ASB7: variants seen among roughly 807,000 people sequenced by gnomAD.
The protein encoded by ASB7 is ankyrin repeat and SOCS box protein 7.
In ASB7, 4 loss-of-function variants were observed where a neutral mutation model predicts 32.5. The observed-to-expected ratio is 0.12, with a 90% confidence interval of 0.06 to 0.28. The LOEUF is 0.28. ASB7 is among the 10% of genes least tolerant of loss of function. The pLI is 1.00. For synonymous variants in ASB7, 172 were observed against 155.6 expected (o/e 1.11, Z -0.78); for missense variants, 181 against 407.1 (o/e 0.44, Z 4.78).
At chr15:100,608,940 CTCACCCACCG>C (rs2141386706) in intron 2 of ASB7, among the ~76,000 whole-genome samples, 1 of 152,236 alleles carries the variant, frequency 6.6e-6, no homozygotes, top group East Asian at 1.9e-4. Flanking sequence ...TTAAGTGATG[CTCACCCACCG>C]TCAGGGGATG....
Position 100,629,966 on chromosome 15 carries a change from A to G in ASB7, c.741A>G (p.Gly247=). 1 of 1,614,184 alleles carries G rather than the reference A, an allele frequency of 6.2e-7. No homozygotes were observed. The change falls in exon 5 of 6, where the codon GGA becomes GGG. Residue 247 remains glycine, a synonymous_variant. Coordinates refer to ENST00000332783, the MANE Select transcript of ASB7 (RefSeq NM_198243.3). This position sits in a 1 kb window ranked among gnomAD's most constrained non-coding sequence, Gnocchi z 6.8. ...GADTNTRNYE[G]QTPLAVSISI... ...ACACGAACACACGGAACTATGAAGG[A>G]CAGACCCCATTGGCTGTTTCAATAA...
At chr15:100,609,345 T>TA (rs139093840) in intron 2 of ASB7, among the ~76,000 whole-genome samples, 199 of 152,322 alleles carry the variant, frequency 1.3e-3, no homozygotes, top group African/African-American at 4.7e-3. Context: ...GCAGGTGACT[T>TA]ATGGTGTCGG....
At chr15:100,623,839 A>G (rs1207776313) in intron 4 of ASB7, among the ~76,000 whole-genome samples, 1 of 152,254 alleles carries the variant, frequency 6.6e-6, no homozygotes. Context: ...CAGTCCCACT[A>G]CTGAGTATCC....
rs79228935 is a variant in ASB7 at position 100,642,015 on chromosome 15, A to G, written c.818-6308A>G. Among the ~76,000 whole-genome samples, 64 of 152,354 alleles carry G rather than the reference A, an allele frequency of 4.2e-4. 2 individuals carry two copies. In the East Asian group the frequency reaches 6.7e-3, roughly 16 times the overall value. On this transcript the variant is annotated intron_variant, in intron 5 of 5. Transcript: ENST00000332783. ...AGTTGATGCTTTTAACCACTGTGATATGCCTCCATCATTAAAGGAAATTCT... is the reference window on the plus strand; with the variant it reads ...AGTTGATGCTTTTAACCACTGTGATGTGCCTCCATCATTAAAGGAAATTCT...
intron 4 of ASB7, among the ~76,000 whole-genome samples, chr15:100,619,016 C>G (rs952863374): frequency 1.3e-5 from 2 of 152,252 alleles, no homozygotes; most frequent in Admixed American, 6.5e-5. Flanking sequence ...CGTTTCTTAC[C>G]TGTAATTCTG....
At chr15:100,627,645 C>T (rs981307220) in intron 4 of ASB7, among the ~76,000 whole-genome samples, 6 of 152,132 alleles carry the variant, frequency 3.9e-5, no homozygotes, top group African/African-American at 1.4e-4. Context: ...GATGCAAGTG[C>T]AGTGTTTTGT....
intron 5 of ASB7, among the ~76,000 whole-genome samples, chr15:100,636,229 G>T (rs2039922443): frequency 1.3e-5 from 2 of 152,128 alleles, no homozygotes; most frequent in South Asian, 4.1e-4. Context: ...GTGGAGGTTT[G>T]CCCCACATCT....
Position 100,629,088 on chromosome 15 carries a change from A to G in ASB7, c.212-349A>G, listed in dbSNP as rs978101651. Among the ~76,000 whole-genome samples, 1 of 152,218 alleles carries G rather than the reference A, an allele frequency of 6.6e-6. No homozygotes were observed. The highest frequency in any genetic ancestry group is 1.5e-5 in the Non-Finnish European group (1 of 68,034). ...TAAAACAAAAAGTTCAAAACAGAAGAGAAACATGAAACAGTGCAGAGATGA... is the reference window on the plus strand; with the variant it reads ...TAAAACAAAAAGTTCAAAACAGAAGGGAAACATGAAACAGTGCAGAGATGA... On this transcript the variant is annotated intron_variant, in intron 4 of 5. Transcript: ENST00000332783. This position sits in a 1 kb window ranked among gnomAD's most constrained non-coding sequence, Gnocchi z 6.8.
chr15:100,604,040 G>A (rs2047091), intron 2 of ASB7, among the ~76,000 whole-genome samples: 149,044 of 152,348 alleles, frequency 0.98, 72,985 homozygotes, highest in East Asian at 1. Context: ...GATTTTCTAG[G>A]AGAACTTTTA....
chr15:100,615,129 G>A (rs991283605), intron 4 of ASB7, among the ~76,000 whole-genome samples: 1 of 152,236 alleles, frequency 6.6e-6, no homozygotes, highest in African/African-American at 2.4e-5. Flanking sequence ...TGGGTGTGTA[G>A]TACGCTGTGC....
chr15:100,632,733 C>T (rs1041779776), intron 5 of ASB7, among the ~76,000 whole-genome samples: 8 of 152,066 alleles, frequency 5.3e-5, no homozygotes, highest in African/African-American at 1.9e-4. Context: ...CTCTTCATCA[C>T]ACTGTTTTGC....
chr15:100,617,883 A>T (rs996876693), intron 4 of ASB7, among the ~76,000 whole-genome samples: 1 of 152,204 alleles, frequency 6.6e-6, no homozygotes, highest in African/African-American at 2.4e-5. Flanking sequence ...AGACAAGACC[A>T]ATCTTTTCTT....
At chr15:100,638,311 G>A (rs879251065) in intron 5 of ASB7, 14 of 152,232 alleles carry the variant, frequency 9.2e-5, no homozygotes, top group African/African-American at 2.2e-4. Context: ...TATTTACTAC[G>A]TAGGCTCTGC....
At chr15:100,638,409 T>C (rs1465203540) in intron 5 of ASB7, 4 of 152,210 alleles carry the variant, frequency 2.6e-5, no homozygotes, top group Non-Finnish European at 5.9e-5. Context: ...ATCAGATCCC[T>C]CGTTCTCCTC....
intron 5 of ASB7, among the ~76,000 whole-genome samples, chr15:100,647,864 C>G (rs1378953823): frequency 6.6e-6 from 1 of 152,164 alleles, no homozygotes; most frequent in African/African-American, 2.4e-5. Context: ...TAGGGGACAT[C>G]TCTTTCAGTC....
chr15:100,629,517 C>G lies in ASB7; in HGVS notation c.292C>G (p.Arg98Gly). 6.2e-7 allele frequency: 1 copy of G among 1,614,036 alleles called. No homozygotes were observed. Among genetic ancestry groups the G allele is most frequent in the Non-Finnish European group, 8.5e-7 (1 of 1,179,896 alleles). The change falls in exon 5 of 6, where the codon CGC (arginine) becomes GGC (glycine). Residue 98 changes from arginine to glycine, a missense_variant. Coordinates refer to ENST00000332783, the MANE Select transcript of ASB7 (RefSeq NM_198243.3). This position sits in a 1 kb window ranked among gnomAD's most constrained non-coding sequence, Gnocchi z 6.8. ...CATGCATGGCCGGGCCCGCATTGCA[C>G]GCTTGATGTTAGAATCTGAATACAG... ...AAMHGRARIA[R>G]LMLESEYRSD...
In ASB7 at chr15:100,602,821, T is replaced by G. The variant is rs1170405472; in HGVS notation, c.-498T>G. ...ACTGCCCCCCCACCCGAGCCAGGAC[T>G]TCCTCCCTGCCTCCCTGCACCTCTG... On this transcript the variant is annotated 5_prime_UTR_variant, in exon 1 of 6. Transcript: ENST00000332783. 3 of 390,664 alleles carry G rather than the reference T, an allele frequency of 7.7e-6. No individual in the cohort carries two copies. Among genetic ancestry groups the G allele is most frequent in the Admixed American group, 8.9e-5 (2 of 22,458 alleles). The allele number at this position is 390,664 out of a possible 1,614,324, so 24.2% of individuals were successfully genotyped here.
At position 100,648,506 on chromosome 15, in the gene ASB7, C is replaced by T; in HGVS notation, c.*44C>T. The T allele has an allele frequency of 4.0e-6, 6 of 1,505,616 alleles. No homozygotes were observed. Among genetic ancestry groups the T allele is most frequent in the South Asian group, 1.2e-5 (1 of 81,894 alleles). 93.3% of individuals were successfully genotyped at this position (1,505,616 alleles called of 1,614,324 possible). ...AAGATTAGGAGTTCTATTCTAGATA[C>T]TTAAAAGGCTTTTTGCCTTGCACAA... On this transcript the variant is annotated 3_prime_UTR_variant, in exon 6 of 6. Transcript: ENST00000332783.
intron 4 of ASB7, among the ~76,000 whole-genome samples, chr15:100,616,601 T>C (rs745547911): frequency 1.3e-5 from 2 of 152,226 alleles, no homozygotes; most frequent in African/African-American, 2.4e-5. Context: ...AGGTCAGATA[T>C]AAGGTTTTCA....
Sources: allele counts gnomAD v4.1 joint callset (sites outside exome capture counted in the v4.1 genomes callset), GRCh38; gene constraint gnomAD v4.1.1; non-coding constraint Gnocchi (gnomAD v3.1); transcripts MANE v1.5; gene names NCBI Gene and HGNC (gene_info 2026-07-23, HGNC 2026-07-21).